KLF12: variants seen among roughly 807,000 people sequenced by gnomAD.
The protein encoded by KLF12 is Krueppel-like factor 12.
KLF12 carries 9 observed loss-of-function variants against 37.8 expected under a neutral mutation model. The ratio of observed to expected loss-of-function variants is 0.24; its 90% CI spans 0.14 to 0.42. The LOEUF is 0.42. Among genes scored for constraint, KLF12 ranks in the 10% least tolerant of loss-of-function variants. The pLI is 1.00. For synonymous variants in KLF12, 208 were observed against 202.1 expected (o/e 1.03, Z -0.25); for missense variants, 411 against 516.0 (o/e 0.80, Z 1.97).
At chr13:73,922,478 T>C (rs924737245) in intron 3 of KLF12, among the ~76,000 whole-genome samples, 1 of 152,164 alleles carries the variant, frequency 6.6e-6, no homozygotes, top group Non-Finnish European at 1.5e-5. Flanking sequence ...GGGAGAACAG[T>C]GTGACATGAA....
chr13:74,070,863 A>G (rs928502170), intron 1 of KLF12, among the ~76,000 whole-genome samples: 25 of 152,242 alleles, frequency 1.6e-4, no homozygotes, highest in Admixed American at 6.5e-4. Flanking sequence ...GGAAAAAAAA[A>G]TAATTGATTG....
At chr13:73,999,694 C>T (rs914608496) in intron 1 of KLF12, among the ~76,000 whole-genome samples, 2 of 152,122 alleles carry the variant, frequency 1.3e-5, no homozygotes, top group African/African-American at 4.8e-5. Context: ...GAGCCGAGAT[C>T]GCTCCGCTAC....
chr13:74,057,537 A>T (rs1283529221), intron 1 of KLF12, among the ~76,000 whole-genome samples: 1 of 152,244 alleles, frequency 6.6e-6, no homozygotes, highest in Non-Finnish European at 1.5e-5. Flanking sequence ...TCTATAAATA[A>T]AAAAGACAAT....
At chr13:73,991,858 A>G (rs1891979143) in intron 2 of KLF12, among the ~76,000 whole-genome samples, 1 of 152,246 alleles carries the variant, frequency 6.6e-6, no homozygotes, top group East Asian at 1.9e-4. Context: ...TGTGCGAAGA[A>G]AGAGCCTTGG....
At chr13:74,057,801 G>A (rs1873332241) in intron 1 of KLF12, among the ~76,000 whole-genome samples, 1 of 152,024 alleles carries the variant, frequency 6.6e-6, no homozygotes, top group Admixed American at 6.6e-5. Flanking sequence ...GGAAAAATAA[G>A]GGAATGGTAA....
In KLF12 at chr13:73,689,074, G is replaced by T. The variant is rs935494208; in HGVS notation, c.*6416C>A. On this transcript the variant is annotated 3_prime_UTR_variant, in exon 8 of 8. Coordinates refer to ENST00000377669, the MANE Select transcript of KLF12 (RefSeq NM_007249.5). Reference sequence around the variant, plus strand: ...GGCACACAGTGTTTAATAAAGAATAGCTATTATCTTCATGGTTTGCTGAAT... The same window carrying T: ...GGCACACAGTGTTTAATAAAGAATATCTATTATCTTCATGGTTTGCTGAAT... 7.2e-5 allele frequency: 11 copies of T among 151,984 alleles called. No homozygotes were observed. Among genetic ancestry groups the T allele is most frequent in the South Asian group, 2.1e-4 (1 of 4,822 alleles). 9.4% of individuals were successfully genotyped at this position (151,984 alleles called of 1,614,324 possible). A position where few individuals can be genotyped will look rare whatever the true frequency, so the allele number is the denominator to read the frequency against.
At chr13:73,968,709 C>T (rs1307998503) in intron 2 of KLF12, among the ~76,000 whole-genome samples, 5 of 152,174 alleles carry the variant, frequency 3.3e-5, no homozygotes, top group Non-Finnish European at 5.9e-5. Context: ...GCAAACTCCA[C>T]GAGGAAAGAT....
intron 1 of KLF12, among the ~76,000 whole-genome samples, chr13:74,059,816 T>G (rs530465689): frequency 1.3e-5 from 2 of 152,228 alleles, no homozygotes; most frequent in East Asian, 3.8e-4. Context: ...TAGTTGCATT[T>G]GCTTTTGGGG....
intron 3 of KLF12, among the ~76,000 whole-genome samples, chr13:73,899,479 G>A (rs1289319154): frequency 6.6e-6 from 1 of 152,186 alleles, no homozygotes; most frequent in Non-Finnish European, 1.5e-5. Flanking sequence ...ATGTGGAAAA[G>A]CTTAAAGTTG....
chr13:74,037,913 G>A (rs1893300730), intron 1 of KLF12, among the ~76,000 whole-genome samples: 2 of 152,300 alleles, frequency 1.3e-5, no homozygotes, highest in African/African-American at 4.8e-5. Flanking sequence ...AGGTCAGGAT[G>A]ATTAAAATCC....
chr13:73,942,834 G>A (rs528836204), intron 3 of KLF12, among the ~76,000 whole-genome samples: 2 of 152,254 alleles, frequency 1.3e-5, no homozygotes, highest in African/African-American at 4.8e-5. Flanking sequence ...CTACCACGAT[G>A]AGGCTCTGTT....
the KLF12 span, among the ~76,000 whole-genome samples, chr13:74,224,527 T>C: frequency 6.6e-6 from 1 of 152,302 alleles, no homozygotes; most frequent in East Asian, 1.9e-4. Flanking sequence ...AAAGAGGAAA[T>C]GTTCTTTCTT....
At chr13:74,021,448 T>A (rs1448810291) in intron 1 of KLF12, among the ~76,000 whole-genome samples, 1 of 152,090 alleles carries the variant, frequency 6.6e-6, no homozygotes, top group African/African-American at 2.4e-5. Flanking sequence ...ATGATGTTCG[T>A]TTGTGACGCA....
At chr13:73,741,175 A>C (rs1392035706) in intron 6 of KLF12, among the ~76,000 whole-genome samples, 1 of 152,212 alleles carries the variant, frequency 6.6e-6, no homozygotes, top group Non-Finnish European at 1.5e-5. Flanking sequence ...ACAGAAGGAA[A>C]TTTGACTGCA....
chr13:74,203,217 G>A, the KLF12 span, among the ~76,000 whole-genome samples: 2 of 152,034 alleles, frequency 1.3e-5, no homozygotes, highest in Non-Finnish European at 2.9e-5. Context: ...CTACAAATCT[G>A]GAGCTGAGGG....
intron 5 of KLF12, among the ~76,000 whole-genome samples, chr13:73,790,336 T>C (rs2138262886): frequency 6.6e-6 from 1 of 152,314 alleles, no homozygotes; most frequent in East Asian, 1.9e-4. Context: ...TAAAACTTAT[T>C]ATTCTTATAA....
At chr13:74,198,252 AC>A in the KLF12 span, among the ~76,000 whole-genome samples, 2 of 152,044 alleles carry the variant, frequency 1.3e-5, no homozygotes, top group Non-Finnish European at 2.9e-5. Context: ...TGAGGCTAAA[AC>A]CCTGGGGTAT....
intron 4 of KLF12, among the ~76,000 whole-genome samples, chr13:73,813,778 A>G (rs139365955): frequency 6.6e-6 from 1 of 152,284 alleles, no homozygotes; most frequent in Non-Finnish European, 1.5e-5. Flanking sequence ...AAGTATACGT[A>G]TTTTTCTTAC....
chr13:73,987,681 A>G (rs1891859491), intron 2 of KLF12, among the ~76,000 whole-genome samples: 1 of 132,478 alleles, frequency 7.5e-6, no homozygotes, highest in Admixed American at 7.7e-5. Context: ...GAAATTGGAG[A>G]GAGGAGAGAA....
Sources: allele counts gnomAD v4.1 joint callset (sites outside exome capture counted in the v4.1 genomes callset), GRCh38; gene constraint gnomAD v4.1.1; transcripts MANE v1.5; gene names NCBI Gene and HGNC (gene_info 2026-07-23, HGNC 2026-07-21).